Variants in GMDS observed in about 807,000 individuals in gnomAD.
GMDS encodes GDP-mannose 4,6-dehydratase.
GMDS carries 20 observed loss-of-function variants against 49.9 expected under a neutral mutation model. The observed-to-expected ratio is 0.40, with a 90% CI of 0.28 to 0.58. GMDS has a LOEUF of 0.58. Ranked by LOEUF, GMDS falls within the 20% of genes least tolerant of loss-of-function variation. The pLI is 0.42. For synonymous variants in GMDS, 177 were observed against 178.6 expected (o/e 0.99, Z 0.07); for missense variants, 362 against 481.4 (o/e 0.75, Z 2.32).
chr6:1,852,161 A>C (rs1757706171), intron 7 of GMDS, among the ~76,000 whole-genome samples: 1 of 152,220 alleles, frequency 6.6e-6, no homozygotes, highest in African/African-American at 2.4e-5. Flanking sequence ...TGGCAACTCA[A>C]ATTCAAAGCC....
intron 1 of GMDS, among the ~76,000 whole-genome samples, chr6:2,137,579 C>A (rs1318661930): frequency 6.6e-6 from 1 of 152,194 alleles, no homozygotes; most frequent in Non-Finnish European, 1.5e-5. Context: ...GGTGATCCAC[C>A]CACTTTGGCT....
intron 9 of GMDS, among the ~76,000 whole-genome samples, chr6:1,627,231 C>T (rs1762872807): frequency 6.6e-6 from 1 of 152,190 alleles, no homozygotes; most frequent in Admixed American, 6.5e-5. Context: ...CTTACTTCTT[C>T]CCATTGTGTC....
At chr6:1,916,927 T>C (rs923265282) in intron 7 of GMDS, among the ~76,000 whole-genome samples, 1 of 152,164 alleles carries the variant, frequency 6.6e-6, no homozygotes, top group Admixed American at 6.5e-5. Context: ...CGACTTCTGT[T>C]AAACTTGTAT....
chr6:1,655,415 A>G (rs7752534), intron 9 of GMDS, among the ~76,000 whole-genome samples: 3,527 of 151,966 alleles, frequency 0.023, 114 homozygotes, highest in African/African-American at 0.08. Context: ...TTTTCAATTG[A>G]CACATTTTCC....
chr6:1,886,068 T>C (rs548818215), intron 7 of GMDS, among the ~76,000 whole-genome samples: 1 of 152,316 alleles, frequency 6.6e-6, no homozygotes, highest in Non-Finnish European at 1.5e-5. Context: ...GTCATTTGTC[T>C]GAGAAAAGAA....
chr6:1,863,765 A>C (rs1417779842), intron 7 of GMDS, among the ~76,000 whole-genome samples: 1 of 152,212 alleles, frequency 6.6e-6, no homozygotes, highest in Non-Finnish European at 1.5e-5. Flanking sequence ...AAATCACTTT[A>C]TCATTATTGC....
chr6:2,179,493 C>T (rs1778425611), intron 1 of GMDS, among the ~76,000 whole-genome samples: 1 of 152,102 alleles, frequency 6.6e-6, no homozygotes, highest in Non-Finnish European at 1.5e-5. Context: ...ATAAAAGAGG[C>T]TTCAGAGAGA....
intron 4 of GMDS, among the ~76,000 whole-genome samples, chr6:2,015,528 T>C (rs1767836244): frequency 1.3e-5 from 2 of 152,168 alleles, no homozygotes; most frequent in Admixed American, 6.6e-5. Flanking sequence ...GGAAAATGTA[T>C]AGTATTGAAT....
chr6:1,670,941 G>T (rs553518436), intron 9 of GMDS, among the ~76,000 whole-genome samples: 1 of 152,120 alleles, frequency 6.6e-6, no homozygotes, highest in African/African-American at 2.4e-5. Flanking sequence ...TTCCCTGCTC[G>T]CCCGGACTTT....
intron 4 of GMDS, among the ~76,000 whole-genome samples, chr6:2,085,557 T>C (rs1772963254): frequency 6.6e-6 from 1 of 152,072 alleles, no homozygotes; most frequent in South Asian, 2.1e-4. Context: ...TTAAACAGGG[T>C]CTCACTCTGT....
chr6:1,624,115 C>G lies in GMDS; in HGVS notation c.*54G>C. On this transcript the variant is annotated 3_prime_UTR_variant, in exon 11 of 11. Coordinates refer to ENST00000380815, the MANE Select transcript of GMDS (RefSeq NM_001500.4). ...CCCCATCCCCGCAGCGCGTCTGCAC[C>G]GGAGACTCTGCGGGGATTGTAGCCG... The G allele has an allele frequency of 4.6e-6, 7 of 1,521,866 alleles. No individual in the cohort carries two copies. Among genetic ancestry groups the G allele is most frequent in the African/African-American group, 1.4e-5 (1 of 73,562 alleles). 94.3% of individuals were successfully genotyped at this position (1,521,866 alleles called of 1,614,324 possible).
chr6:1,704,539 G>C (rs999219940), intron 9 of GMDS, among the ~76,000 whole-genome samples: 1 of 152,220 alleles, frequency 6.6e-6, no homozygotes, highest in Admixed American at 6.5e-5. Flanking sequence ...AAAAATTAAA[G>C]GAACACCCCA....
intron 7 of GMDS, among the ~76,000 whole-genome samples, chr6:1,839,648 T>A (rs1757070838): frequency 6.6e-6 from 1 of 152,326 alleles, no homozygotes; most frequent in African/African-American, 2.4e-5. Flanking sequence ...CCAAGTCAGA[T>A]GTACTATTCC....
At chr6:1,789,352 C>G (rs979467762) in intron 7 of GMDS, among the ~76,000 whole-genome samples, 23 of 152,140 alleles carry the variant, frequency 1.5e-4, no homozygotes, top group African/African-American at 5.3e-4. Flanking sequence ...GCTTATCTAG[C>G]TTGGCCAGCC....
chr6:1,837,240 G>A (rs1756965420), intron 7 of GMDS, among the ~76,000 whole-genome samples: 1 of 152,204 alleles, frequency 6.6e-6, no homozygotes, highest in Admixed American at 6.5e-5. Flanking sequence ...ATAATTGTAT[G>A]TCATCATTGT....
At chr6:1,642,153 CTTTTTTTTTTTTTTT>C (rs543577735) in intron 9 of GMDS, among the ~76,000 whole-genome samples, 1 of 110,762 alleles carries the variant, frequency 9.0e-6, no homozygotes, top group Admixed American at 1.0e-4. Context: ...CAGTTTCCAT[CTTTTTTTTTTTTTTT>C]TTTTTTTTTT....
At chr6:1,626,501 T>C (rs1013560394) in intron 9 of GMDS, among the ~76,000 whole-genome samples, 4 of 152,252 alleles carry the variant, frequency 2.6e-5, no homozygotes, top group African/African-American at 9.6e-5. Context: ...TACAGGCTTC[T>C]ATTTTGCTAT....
chr6:1,672,144 C>T (rs902628737), intron 9 of GMDS, among the ~76,000 whole-genome samples: 2 of 152,164 alleles, frequency 1.3e-5, no homozygotes, highest in African/African-American at 4.8e-5. Flanking sequence ...ACCAAGACAA[C>T]TACATTTGGG....
intron 1 of GMDS, among the ~76,000 whole-genome samples, chr6:2,135,595 ACAT>A (rs61342699): frequency 0.13 from 19,250 of 149,370 alleles, 1,610 homozygotes; most frequent in African/African-American, 0.21. Flanking sequence ...CACATCTACC[ACAT>A]CATCATCATC....
Sources: gnomAD v4.1 joint callset for allele counts (sites outside exome capture counted in the v4.1 genomes callset) on GRCh38, gnomAD v4.1.1 for gene constraint, MANE v1.5 for transcripts, NCBI Gene and HGNC (gene_info 2026-07-23, HGNC 2026-07-21) for gene names.